The following GLMN variants were observed in gnomAD, a reference collection of about 807,000 sequenced individuals.
The protein encoded by GLMN is glomulin.
Under a neutral mutation model 87.8 loss-of-function variants are expected in GLMN, and 75 were observed. The observed-to-expected ratio is 0.85, with a 90% CI of 0.71 to 1.04. GLMN has a LOEUF of 1.04. GLMN is among the 50% of genes least tolerant of loss of function. GLMN has a pLI of 0.00. For synonymous variants in GLMN, 206 were observed against 221.6 expected, an observed-to-expected ratio of 0.93 and a Z score of 0.63; for missense variants, 588 against 658.8, an observed-to-expected ratio of 0.89 and a Z score of 1.18.
intron 16 of GLMN, 123 bp from the exon 17 acceptor site, chr1:92,248,112 T>C: frequency 1.5e-6 from 1 of 650,920 alleles, no homozygotes; most frequent in South Asian, 1.7e-5. Context: ...ACAATGGACT[T>C]CACTATTTAA....
chr1:92,297,965 CTCTT>C lies in GLMN; in HGVS notation c.31_34del (p.Lys11AspfsTer5), dbSNP rs779151733. 2.8e-6 allele frequency: 4 copies of C among 1,417,902 alleles called. No homozygotes were observed. Among genetic ancestry groups the C allele is most frequent in the African/African-American group, 1.4e-5 (1 of 71,298 alleles). The allele number at this position is 1,417,902 out of a possible 1,614,324, so 87.8% of individuals were successfully genotyped here. A position where few individuals can be genotyped will look rare whatever the true frequency, so the allele number is the denominator to read the frequency against. Reference sequence around the variant, plus strand: ...TTTACAAAAATTAATACTTACACATCTCTTTATTATAGACTGAAGTTCCTCTACA... The same window carrying C: ...TTTACAAAAATTAATACTTACACATCTATTATAGACTGAAGTTCCTCTACA... On this transcript the variant is annotated frameshift_variant, in exon 2 of 19. Coordinates refer to ENST00000370360, the MANE Select transcript of GLMN (RefSeq NM_053274.3). LOFTEE classifies it high-confidence loss of function.
chr1:92,316,000 C>T, the GLMN span, among the ~76,000 whole-genome samples: 1 of 152,318 alleles, frequency 6.6e-6, no homozygotes, highest in Admixed American at 6.5e-5. Flanking sequence ...ACAGTGTGCT[C>T]ACATAGGTAA....
chr1:92,269,485 T>C lies in GLMN; in HGVS notation c.977+238A>G, dbSNP rs144501782. Among the ~76,000 whole-genome samples the C allele has an allele frequency of 3.3e-3, 503 of 152,272 alleles. 7 individuals carry two copies. Among genetic ancestry groups the C allele is most frequent in the Non-Finnish European group, 4.4e-3 (298 of 68,030 alleles). Reference sequence around the variant, plus strand: ...AGAAGAAACCTTAGAAACAGATGACTGTAAAAGCCCTTAAGACAAAATCTT... The same window carrying C: ...AGAAGAAACCTTAGAAACAGATGACCGTAAAAGCCCTTAAGACAAAATCTT... On this transcript the variant is annotated intron_variant, in intron 9 of 18. Transcript: ENST00000370360.
intron 16 of GLMN, among the ~76,000 whole-genome samples, chr1:92,260,348 G>A (rs1308063641): frequency 6.6e-6 from 1 of 151,804 alleles, no homozygotes; most frequent in Non-Finnish European, 1.5e-5. Flanking sequence ...GGGTGTGGTG[G>A]CACACACCTG....
chr1:92,339,331 C>T, the GLMN span, among the ~76,000 whole-genome samples: 4 of 129,916 alleles, frequency 3.1e-5, no homozygotes, highest in Non-Finnish European at 5.0e-5. Flanking sequence ...CCCCCACAAC[C>T]GCCCCCCAAT....
intron 16 of GLMN, among the ~76,000 whole-genome samples, chr1:92,249,524 T>C (rs1653165073): frequency 6.6e-6 from 1 of 152,126 alleles, no homozygotes; most frequent in African/African-American, 2.4e-5. Flanking sequence ...CATGATATTT[T>C]ACATATTTAT....
Position 92,255,358 on chromosome 1 carries a change from A to T in GLMN, c.1474-7369T>A, listed in dbSNP as rs193287357. 2.7e-3 allele frequency among the ~76,000 whole-genome samples: 417 copies of T among 152,324 alleles called. 1 individual carries two copies. Among genetic ancestry groups the T allele is most frequent in the Middle Eastern group, 3.4e-3 (1 of 294 alleles). ...ATATCAGACAGATCAACAAGACAGA[A>T]AATTAACAACGATATTCAGGATTTC... On this transcript the variant is annotated intron_variant, in intron 16 of 18. Transcript: ENST00000370360.
intron 7 of GLMN, among the ~76,000 whole-genome samples, chr1:92,272,412 G>C (rs1309835835): frequency 5.3e-5 from 8 of 152,118 alleles, no homozygotes; most frequent in Non-Finnish European, 1.5e-5. Flanking sequence ...ATTTTACATA[G>C]CATTTTATAC....
Position 92,270,863 on chromosome 1 carries a change from T to G in GLMN, c.923+602A>C, listed in dbSNP as rs1041992074. Among the ~76,000 whole-genome samples the G allele has an allele frequency of 5.9e-5, 9 of 152,174 alleles. No individual in the cohort carries two copies. The South Asian group carries it at 1.9e-3, about 32-fold the overall frequency. ...ATAGGAAAATTCATAACATTTAAACTAGAAACAAAAGAAGGTCTGTGTCAC... is the reference window on the plus strand; with the variant it reads ...ATAGGAAAATTCATAACATTTAAACGAGAAACAAAAGAAGGTCTGTGTCAC... On this transcript the variant is annotated intron_variant, in intron 8 of 18. Transcript: ENST00000370360.
intron 5 of GLMN, among the ~76,000 whole-genome samples, chr1:92,289,850 T>C (rs958372381): frequency 6.6e-6 from 1 of 152,200 alleles, no homozygotes; most frequent in African/African-American, 2.4e-5. Flanking sequence ...TGCTATCAGA[T>C]TTAGTACTGC....
At chr1:92,271,440 G>A (rs750593140) in intron 8 of GLMN, 25 bp downstream of exon 8, 2 of 1,568,908 alleles carry the variant, frequency 1.3e-6, no homozygotes, top group Admixed American at 3.3e-5. Context: ...TAGAATACAT[G>A]AATAAACCAA....
chr1:92,302,331 A>G (rs74323305), upstream of GLMN, among the ~76,000 whole-genome samples: 2 of 128,642 alleles, frequency 1.6e-5, no homozygotes, highest in African/African-American at 3.6e-5. Flanking sequence ...GATGGGGGAG[A>G]AAAAAAAAAA....
At chr1:92,356,394 T>C in the GLMN span, among the ~76,000 whole-genome samples, 10 of 152,084 alleles carry the variant, frequency 6.6e-5, no homozygotes, top group Admixed American at 1.3e-4. Flanking sequence ...TTTTAGAAAA[T>C]AGCTCTGGAA....
chr1:92,291,451 T>C lies in GLMN; in HGVS notation c.252A>G (p.Lys84=), dbSNP rs775775583. Residue 84 remains lysine, a synonymous_variant, in exon 4 of 19, where the codon AAA becomes AAG. Transcript: ENST00000370360. Reference sequence around the variant, plus strand: ...ATAAATCAAAGATCAAAAAATAAACTTTTCTTTTACTATCCTCTTTATCTT... The same window carrying C: ...ATAAATCAAAGATCAAAAAATAAACCTTTCTTTTACTATCCTCTTTATCTT... The part of the protein sequence containing the change: ...LCKDKEDSKR[K]VYFLIFDLLV... 1 of 1,595,756 alleles carries C rather than the reference T, an allele frequency of 6.3e-7. No individual in the cohort carries two copies. The highest frequency in any genetic ancestry group is 8.6e-7 in the Non-Finnish European group (1 of 1,163,312).
chr1:92,369,153 A>C, the GLMN span, among the ~76,000 whole-genome samples: 95 of 152,358 alleles, frequency 6.2e-4, 1 homozygote, highest in African/African-American at 2.2e-3. Context: ...ACAGCCAATC[A>C]CATTCTCTGC....
chr1:92,363,239 G>C, the GLMN span, among the ~76,000 whole-genome samples: 2 of 152,112 alleles, frequency 1.3e-5, no homozygotes, highest in African/African-American at 4.8e-5. Context: ...ATTTGTTTTG[G>C]ATAGAAACAG....
intron 7 of GLMN, among the ~76,000 whole-genome samples, chr1:92,277,102 G>C (rs1212559267): frequency 6.6e-6 from 1 of 151,942 alleles, no homozygotes; most frequent in Non-Finnish European, 1.5e-5. Context: ...CTACTATAAA[G>C]TTCTCAAATC....
chr1:92,350,537 A>T, the GLMN span, among the ~76,000 whole-genome samples: 3 of 152,256 alleles, frequency 2.0e-5, no homozygotes, highest in South Asian at 6.2e-4. Flanking sequence ...GAAATAATAC[A>T]GAGTTGAACC....
chr1:92,351,221 C>T, the GLMN span, among the ~76,000 whole-genome samples: 31 of 147,198 alleles, frequency 2.1e-4, no homozygotes, highest in African/African-American at 6.8e-4. Flanking sequence ...GCAGGAAAAC[C>T]GCTTGAACCA....
Sources: allele counts gnomAD v4.1 joint callset (sites outside exome capture counted in the v4.1 genomes callset), GRCh38; gene constraint gnomAD v4.1.1; transcripts MANE v1.5; gene names NCBI Gene and HGNC (gene_info 2026-07-23, HGNC 2026-07-21).